Variants in RBFOX1 observed in about 807,000 individuals in gnomAD.
RBFOX1 encodes the protein RNA binding protein fox-1 homolog 1.
A neutral mutation model predicts 57.7 loss-of-function variants in RBFOX1; 8 were observed. That is an observed-to-expected ratio of 0.14 (90% CI 0.08 to 0.25). The LOEUF (loss-of-function observed/expected upper bound fraction) is 0.25. RBFOX1 is among the 10% of genes least tolerant of loss of function. RBFOX1 has a pLI of 1.00. For synonymous variants in RBFOX1, 326 were observed against 222.4 expected, an observed-to-expected ratio of 1.47 and a Z score of -4.15; for missense variants, 611 against 548.5, an observed-to-expected ratio of 1.11 and a Z score of -1.14.
chr16:7,648,795 G>C (rs1012607256), intron 11 of RBFOX1, among the ~76,000 whole-genome samples: 3 of 152,140 alleles, frequency 2.0e-5, no homozygotes, highest in Non-Finnish European at 2.9e-5. Flanking sequence ...TTTAAATCCT[G>C]ATAGTGTGCT....
chr16:5,687,769 C>G (rs1258061731), intron 3 of RBFOX1, among the ~76,000 whole-genome samples: 1 of 152,198 alleles, frequency 6.6e-6, no homozygotes. Context: ...CAAATCTCCA[C>G]TAATGGCTCT....
intron 2 of RBFOX1, among the ~76,000 whole-genome samples, chr16:6,449,184 G>A (rs1460012315): frequency 2.0e-5 from 3 of 152,180 alleles, no homozygotes; most frequent in Admixed American, 6.5e-5. Context: ...AACAGGTCAA[G>A]TGCTGCACAT....
chr16:7,252,299 A>T (rs1053402490), intron 4 of RBFOX1, among the ~76,000 whole-genome samples: 1 of 152,236 alleles, frequency 6.6e-6, no homozygotes, highest in South Asian at 2.1e-4. Flanking sequence ...GACTTGAAGT[A>T]AGTGGAAATA....
At chr16:7,222,206 G>A (rs1216121749) in intron 4 of RBFOX1, among the ~76,000 whole-genome samples, 4 of 152,144 alleles carry the variant, frequency 2.6e-5, no homozygotes, top group Admixed American at 6.5e-5. Context: ...GAGGGCAGGT[G>A]GTTCACAAAG....
chr16:5,854,651 G>C (rs2056980490), intron 3 of RBFOX1, among the ~76,000 whole-genome samples: 1 of 151,970 alleles, frequency 6.6e-6, no homozygotes, highest in Admixed American at 6.6e-5. Flanking sequence ...TGGAGACCTA[G>C]GTTGTTTCCA....
At chr16:7,271,284 C>G (rs796130179) in intron 4 of RBFOX1, among the ~76,000 whole-genome samples, 14 of 152,004 alleles carry the variant, frequency 9.2e-5, no homozygotes, top group African/African-American at 3.4e-4. Context: ...TGAGAACATT[C>G]ACAGGCATCT....
chr16:6,932,538 C>T (rs945596229), intron 3 of RBFOX1, among the ~76,000 whole-genome samples: 2 of 152,164 alleles, frequency 1.3e-5, no homozygotes, highest in African/African-American at 4.8e-5. Flanking sequence ...TTCCAAGTGT[C>T]TCACCTATAT....
At chr16:7,001,682 C>T (rs1210873927) in intron 3 of RBFOX1, among the ~76,000 whole-genome samples, 1 of 152,096 alleles carries the variant, frequency 6.6e-6, no homozygotes, top group African/African-American at 2.4e-5. Flanking sequence ...GTCTCAAACT[C>T]CTGACCTGAA....
At chr16:5,834,562 T>C (rs1054913610) in intron 3 of RBFOX1, among the ~76,000 whole-genome samples, 2 of 151,312 alleles carry the variant, frequency 1.3e-5, no homozygotes, top group South Asian at 4.2e-4. Context: ...GTGATAAATA[T>C]AGAAGTGCAT....
At chr16:6,714,365 G>A (rs2064339924) in intron 3 of RBFOX1, among the ~76,000 whole-genome samples, 1 of 152,080 alleles carries the variant, frequency 6.6e-6, no homozygotes, top group African/African-American at 2.4e-5. Flanking sequence ...TGGTGGTGGT[G>A]GTAGAAAATG....
At chr16:7,491,611 A>T (rs974229308) in intron 4 of RBFOX1, among the ~76,000 whole-genome samples, 1 of 151,948 alleles carries the variant, frequency 6.6e-6, no homozygotes, top group African/African-American at 2.4e-5. Flanking sequence ...TAATAGGAAC[A>T]TGCCTCATTT....
In RBFOX1 at chr16:6,664,648, A is replaced by G. The variant is rs769023423; in HGVS notation, c.-16+9998A>G. ...TTTTACTGAGACTGGGGACCAGGCA[A>G]TAGCAGAGATTATGAATCCAGTGTC... On this transcript the variant is annotated intron_variant, in intron 3 of 15. Coordinates refer to ENST00000550418, the MANE Select transcript of RBFOX1 (RefSeq NM_018723.4). Among the ~76,000 whole-genome samples, 7 of 152,318 alleles carry G rather than the reference A, an allele frequency of 4.6e-5. No individual in the cohort carries two copies. The East Asian group carries it at 7.7e-4, about 17-fold the overall frequency.
At chr16:6,145,036 T>C (rs749824922) in intron 1 of RBFOX1, among the ~76,000 whole-genome samples, 5 of 150,512 alleles carry the variant, frequency 3.3e-5, no homozygotes, top group Non-Finnish European at 7.4e-5. Context: ...TAGTATCTCT[T>C]TTTTTTTTAA....
chr16:6,488,567 A>G (rs2095557075), intron 2 of RBFOX1, among the ~76,000 whole-genome samples: 2 of 152,226 alleles, frequency 1.3e-5, no homozygotes, highest in Non-Finnish European at 2.9e-5. Context: ...TTTTATAATT[A>G]GAAAAAGTGA....
At chr16:7,643,420 A>G (rs2063180112) in intron 11 of RBFOX1, among the ~76,000 whole-genome samples, 8 of 152,232 alleles carry the variant, frequency 5.3e-5, no homozygotes. Flanking sequence ...GCAATTATAT[A>G]TAGAAAAACG....
At chr16:7,649,122 G>C (rs898469792) in intron 11 of RBFOX1, among the ~76,000 whole-genome samples, 1 of 152,062 alleles carries the variant, frequency 6.6e-6, no homozygotes, top group African/African-American at 2.4e-5. Context: ...AAGTAAAATG[G>C]GGAAAGTACA....
intron 3 of RBFOX1, among the ~76,000 whole-genome samples, chr16:5,675,212 A>ACG (rs1274452519): frequency 6.6e-6 from 1 of 151,370 alleles, no homozygotes; most frequent in African/African-American, 2.5e-5. Flanking sequence ...ACATGCATGT[A>ACG]CTCACGCACA....
At chr16:6,645,583 G>T (rs1328049832) in intron 2 of RBFOX1, among the ~76,000 whole-genome samples, 1 of 152,082 alleles carries the variant, frequency 6.6e-6, no homozygotes, top group Non-Finnish European at 1.5e-5. Flanking sequence ...TCGGGAGAGA[G>T]AACTGCTTCT....
At chr16:7,228,757 G>A (rs1158830695) in intron 4 of RBFOX1, among the ~76,000 whole-genome samples, 1 of 152,182 alleles carries the variant, frequency 6.6e-6, no homozygotes, top group African/African-American at 2.4e-5. Flanking sequence ...GAGGTTAAGT[G>A]AATTTGACCA....
Sources: allele counts gnomAD v4.1 joint callset (sites outside exome capture counted in the v4.1 genomes callset), GRCh38; gene constraint gnomAD v4.1.1; transcripts MANE v1.5; gene names NCBI Gene and HGNC (gene_info 2026-07-23, HGNC 2026-07-21).